The following PAPPA variants were observed in gnomAD, a reference collection of about 807,000 sequenced individuals.
PAPPA encodes pappalysin 1.
In PAPPA, 60 loss-of-function variants were observed where a neutral mutation model predicts 164.0. The observed-to-expected ratio is 0.37, with a 90% CI of 0.30 to 0.45. The LOEUF is 0.45. Ranked by LOEUF, PAPPA falls within the 20% of genes least tolerant of loss-of-function variation. PAPPA has a pLI of 1.00. For synonymous variants in PAPPA, 875 were observed against 814.1 expected, an observed-to-expected ratio of 1.07 and a Z score of -1.27; for missense variants, 1,782 against 2,087.3, an observed-to-expected ratio of 0.85 and a Z score of 2.85.
At chr9:116,206,658 A>T (rs1844239622) in intron 2 of PAPPA, among the ~76,000 whole-genome samples, 1 of 152,200 alleles carries the variant, frequency 6.6e-6, no homozygotes, top group Non-Finnish European at 1.5e-5. Flanking sequence ...TGTATTATGT[A>T]ATAGAAAGAG....
intron 21 of PAPPA, among the ~76,000 whole-genome samples, chr9:116,385,348 G>A (rs1846794765): frequency 6.6e-6 from 1 of 152,048 alleles, no homozygotes; most frequent in Admixed American, 6.6e-5. Context: ...GCACTCTGTA[G>A]AGAGAGAATC....
intron 10 of PAPPA, among the ~76,000 whole-genome samples, chr9:116,311,056 CTTTTTTT>C (rs56043415): frequency 0.01 from 1,233 of 120,424 alleles, 19 homozygotes; most frequent in African/African-American, 0.034. Flanking sequence ...AACATGTGGA[CTTTTTTT>C]TTTTTTTTTT....
chr9:116,313,841 C>A (rs1446595053), intron 10 of PAPPA, among the ~76,000 whole-genome samples: 1 of 152,048 alleles, frequency 6.6e-6, no homozygotes, highest in African/African-American at 2.4e-5. Flanking sequence ...CTGGACAGAG[C>A]AGGTCTAGAG....
chr9:116,259,349 A>G (rs1463696031), intron 7 of PAPPA, among the ~76,000 whole-genome samples: 3 of 152,046 alleles, frequency 2.0e-5, no homozygotes, highest in Non-Finnish European at 4.4e-5. Flanking sequence ...CAGCATAAAC[A>G]TAATGAAAAA....
At chr9:116,195,459 CA>C (rs1844093265) in intron 2 of PAPPA, among the ~76,000 whole-genome samples, 1 of 152,168 alleles carries the variant, frequency 6.6e-6, no homozygotes, top group African/African-American at 2.4e-5. Context: ...AATAAGAATA[CA>C]AGTTTTGGAG....
chr9:116,166,375 A>G (rs1843719595), intron 1 of PAPPA, among the ~76,000 whole-genome samples: 2 of 152,128 alleles, frequency 1.3e-5, no homozygotes, highest in African/African-American at 2.4e-5. Context: ...ACATAATCTT[A>G]AGCTTTGCTT....
chr9:116,185,747 A>T (rs1843962055), intron 1 of PAPPA, among the ~76,000 whole-genome samples: 1 of 152,210 alleles, frequency 6.6e-6, no homozygotes, highest in Non-Finnish European at 1.5e-5. Flanking sequence ...GAGCATAAAG[A>T]TAATTAGATC....
rs952081420 is a variant in PAPPA at position 116,153,944 on chromosome 9, G to A, written c.-229G>A. The A allele has an allele frequency of 2.8e-5, 9 of 324,404 alleles. No homozygotes were observed. Among genetic ancestry groups the A allele is most frequent in the Non-Finnish European group, 1.9e-5 (4 of 206,226 alleles). 20.1% of individuals were successfully genotyped at this position (324,404 alleles called of 1,614,324 possible). A position where few individuals can be genotyped will look rare whatever the true frequency, so the allele number is the denominator to read the frequency against. ...TAAGGCAGATAAAGGAGCGGGGAGA[G>A]AAATTAATTGCCAACCAGGAGGAGT... is the stretch of plus-strand genomic sequence containing the variant. On this transcript the variant is annotated 5_prime_UTR_variant, in exon 1 of 22. Transcript: ENST00000328252.
At chr9:116,293,342 G>A (rs1180056376) in intron 9 of PAPPA, among the ~76,000 whole-genome samples, 1 of 152,142 alleles carries the variant, frequency 6.6e-6, no homozygotes, top group Non-Finnish European at 1.5e-5. Context: ...ATTCTATTTT[G>A]CTGATTTGGG....
intron 10 of PAPPA, among the ~76,000 whole-genome samples, chr9:116,314,167 G>A (rs191840476): frequency 2.1e-5 from 3 of 144,126 alleles, no homozygotes; most frequent in East Asian, 4.4e-4. Flanking sequence ...CACCTCCCAG[G>A]TTTTTCAAGC....
chr9:116,304,838 A>G (rs988490330), intron 10 of PAPPA, among the ~76,000 whole-genome samples: 5 of 152,156 alleles, frequency 3.3e-5, no homozygotes, highest in South Asian at 2.1e-4. Context: ...ATTTTAATGA[A>G]ATCGACTAGG....
intron 10 of PAPPA, among the ~76,000 whole-genome samples, chr9:116,317,867 C>A (rs1189575935): frequency 6.6e-6 from 1 of 152,184 alleles, no homozygotes; most frequent in Admixed American, 6.5e-5. Context: ...CCAGAGTCTA[C>A]ACTGGTTTTA....
At chr9:116,279,804 G>C (rs1845245933) in intron 9 of PAPPA, among the ~76,000 whole-genome samples, 1 of 152,162 alleles carries the variant, frequency 6.6e-6, no homozygotes, top group African/African-American at 2.4e-5. Flanking sequence ...CCTCTAGGCT[G>C]GGTATCAGGG....
chr9:116,367,783 G>T, intron 19 of PAPPA, 29 bp downstream of exon 19: 9 of 1,427,610 alleles, frequency 6.3e-6, no homozygotes, highest in Non-Finnish European at 8.9e-6. Context: ...CTACCCACCT[G>T]CAGCTAAGGG....
chr9:116,266,594 G>A (rs1190561718), intron 8 of PAPPA, among the ~76,000 whole-genome samples: 2 of 152,074 alleles, frequency 1.3e-5, no homozygotes, highest in East Asian at 3.9e-4. Flanking sequence ...TCATTTGTGG[G>A]TCCAATCAGT....
intron 2 of PAPPA, among the ~76,000 whole-genome samples, chr9:116,201,366 A>G (rs978429744): frequency 2.6e-5 from 4 of 152,170 alleles, no homozygotes; most frequent in South Asian, 2.1e-4. Flanking sequence ...CCTCCTTGGG[A>G]ATGACAAGCT....
intron 7 of PAPPA, among the ~76,000 whole-genome samples, chr9:116,238,235 G>A (rs929891559): frequency 6.6e-6 from 1 of 152,212 alleles, no homozygotes; most frequent in East Asian, 1.9e-4. Context: ...AGTTCTCAAA[G>A]TGTGGCCCCA....
chr9:116,388,849 A>G (rs1461640021), intron 21 of PAPPA, among the ~76,000 whole-genome samples: 3 of 152,190 alleles, frequency 2.0e-5, no homozygotes, highest in East Asian at 3.9e-4. Context: ...GCTGGCTGCA[A>G]TATTTGCTAA....
intron 6 of PAPPA, among the ~76,000 whole-genome samples, chr9:116,230,158 A>G (rs897637087): frequency 2.0e-5 from 3 of 152,158 alleles, no homozygotes; most frequent in South Asian, 4.1e-4. Flanking sequence ...AATTTAGTAC[A>G]TGTGCACCAG....
Sources: gnomAD v4.1 joint callset for allele counts (sites outside exome capture counted in the v4.1 genomes callset) on GRCh38, gnomAD v4.1.1 for gene constraint, MANE v1.5 for transcripts, NCBI Gene and HGNC (gene_info 2026-07-23, HGNC 2026-07-21) for gene names.